GRM4: variants seen among roughly 807,000 people sequenced by gnomAD.
The protein encoded by GRM4 is metabotropic glutamate receptor 4.
Under a neutral mutation model 81.7 loss-of-function variants are expected in GRM4, and 28 were observed. That is an observed-to-expected ratio of 0.34 (90% CI 0.25 to 0.47). GRM4 has a LOEUF of 0.47. Ranked by LOEUF, GRM4 falls within the 20% of genes least tolerant of loss-of-function variation. The pLI, the probability that GRM4 is intolerant of heterozygous loss-of-function variation, is 1.00. For missense variants in GRM4, 948 were observed against 1,290.0 expected (o/e 0.73, Z 4.06); for synonymous variants, 488 against 528.8 (o/e 0.92, Z 1.06).
At chr6:34,149,020 G>T (rs1384017915), upstream of GRM4, among the ~76,000 whole-genome samples, 1 of 152,178 alleles carries the variant, frequency 6.6e-6, no homozygotes, top group Non-Finnish European at 1.5e-5. Context: ...CTGAGCCTGT[G>T]TTTCATACCT....
In GRM4 at chr6:34,115,159, G is replaced by A. The variant is rs541094335; in HGVS notation, c.519+17819C>T. On this transcript the variant is annotated intron_variant, in intron 2 of 10. Transcript: ENST00000538487. This position sits in a 1 kb window ranked among gnomAD's most constrained non-coding sequence, Gnocchi z 4.1. ...GAGGTGGTCAGGGCCCTGCCTAAAC[G>A]CCAACACGCTGCCTCTGGGCCAGCC... is the stretch of plus-strand genomic sequence containing the variant. Among the ~76,000 whole-genome samples the A allele has an allele frequency of 1.1e-4, 16 of 152,268 alleles. No homozygotes were observed. The highest frequency in any genetic ancestry group is 3.6e-4 in the African/African-American group (15 of 41,542).
rs1328614852 is a variant in GRM4 at position 34,069,682 on chromosome 6, G to A, written c.737-7654C>T. 7.2e-6 allele frequency among the ~76,000 whole-genome samples: 1 copy of A among 139,634 alleles called. No individual in the cohort carries two copies. 91.6% of individuals were successfully genotyped at this position (139,634 alleles called of 152,430 possible). A position where few individuals can be genotyped will look rare whatever the true frequency, so the allele number is the denominator to read the frequency against. On this transcript the variant is annotated intron_variant, in intron 3 of 10. Transcript: ENST00000538487. This position sits in a 1 kb window ranked among gnomAD's most constrained non-coding sequence, Gnocchi z 6.4. ...TGTGTGTGTGTGTGTGTGTGTGTGT[G>A]TGTGTGACCCTGAGCGCCTGCCTCT...
intron 8 of GRM4, among the ~76,000 whole-genome samples, chr6:34,037,741 T>C (rs1764785347): frequency 6.6e-6 from 1 of 151,162 alleles, no homozygotes; most frequent in South Asian, 2.1e-4. Context: ...CGTGCACCTA[T>C]AATCCTAGCT....
chr6:34,079,472 C>T (rs1364599469), intron 3 of GRM4, among the ~76,000 whole-genome samples: 1 of 152,218 alleles, frequency 6.6e-6, no homozygotes, highest in African/African-American at 2.4e-5. Context: ...TGCATTCAGA[C>T]CTGCCTTGTC....
At chr6:34,053,704 A>G (rs1004626672) in intron 6 of GRM4, among the ~76,000 whole-genome samples, 17 of 152,244 alleles carry the variant, frequency 1.1e-4, no homozygotes, top group African/African-American at 2.9e-4. Flanking sequence ...TTTGCTGCAT[A>G]GTAGAACCAC....
chr6:34,044,357 TACACAGACAC>T (rs1765194343), intron 6 of GRM4, among the ~76,000 whole-genome samples: 1 of 142,606 alleles, frequency 7.0e-6, no homozygotes, highest in Non-Finnish European at 1.5e-5. Flanking sequence ...TACACATATA[TACACAGACAC>T]ACACATACAC....
intron 3 of GRM4, among the ~76,000 whole-genome samples, chr6:34,082,302 C>T (rs1767644594): frequency 6.6e-6 from 1 of 152,186 alleles, no homozygotes; most frequent in Non-Finnish European, 1.5e-5. Flanking sequence ...TAAACAGAGG[C>T]CAGAGAAGTT....
Position 34,069,204 on chromosome 6 carries a change from ACGCACG to A in GRM4, c.737-7182_737-7177del, listed in dbSNP as rs768578288. ...CACACACACACACACACACACACACACGCACGCACACACGGCTCCTTCCTTCTGACT... is the reference window on the plus strand; with the variant it reads ...CACACACACACACACACACACACACACACACACGGCTCCTTCCTTCTGACT... On this transcript the variant is annotated intron_variant, in intron 3 of 10. Transcript: ENST00000538487. This position sits in a 1 kb window ranked among gnomAD's most constrained non-coding sequence, Gnocchi z 6.4. Among the ~76,000 whole-genome samples, 2 of 135,448 alleles carry A rather than the reference ACGCACG, an allele frequency of 1.5e-5. No homozygotes were observed. Among genetic ancestry groups the A allele is most frequent in the Non-Finnish European group, 1.5e-5 (1 of 64,778 alleles). The allele number at this position is 135,448 out of a possible 152,430, so 88.9% of individuals were successfully genotyped here. A position where few individuals can be genotyped will look rare whatever the true frequency, so the allele number is the denominator to read the frequency against.
Position 34,092,328 on chromosome 6 carries a change from T to C in GRM4, c.520-229A>G, listed in dbSNP as rs1178924309. On this transcript the variant is annotated intron_variant, in intron 2 of 10. Transcript: ENST00000538487. This position sits in a 1 kb window ranked among gnomAD's most constrained non-coding sequence, Gnocchi z 6.8. Reference sequence around the variant, plus strand: ...ACAGATACACACACAGGCACACACATACATACACCACACACACATACACCC... The same window carrying C: ...ACAGATACACACACAGGCACACACACACATACACCACACACACATACACCC... Among the ~76,000 whole-genome samples, 1 of 151,992 alleles carries C rather than the reference T, an allele frequency of 6.6e-6. No homozygotes were observed. Among genetic ancestry groups the C allele is most frequent in the Non-Finnish European group, 1.5e-5 (1 of 67,948 alleles).
intron 1 of GRM4, among the ~76,000 whole-genome samples, chr6:34,142,890 G>C (rs976640883): frequency 7.9e-5 from 12 of 152,226 alleles, no homozygotes; most frequent in African/African-American, 2.9e-4. Flanking sequence ...CTCCTGACAT[G>C]CTCCCGCCTC....
chr6:34,134,903 C>T (rs3756925), intron 1 of GRM4, among the ~76,000 whole-genome samples: 4 of 152,216 alleles, frequency 2.6e-5, no homozygotes, highest in African/African-American at 4.8e-5. Flanking sequence ...AATTTCCCCC[C>T]GGGGTTACTT....
intron 1 of GRM4, among the ~76,000 whole-genome samples, chr6:34,140,937 T>G (rs1448905599): frequency 6.6e-6 from 1 of 152,228 alleles, no homozygotes; most frequent in Non-Finnish European, 1.5e-5. Flanking sequence ...GAGACTTCCA[T>G]CCCTCGGCTG....
chr6:34,057,955 T>C (rs1765991369), intron 5 of GRM4, among the ~76,000 whole-genome samples: 1 of 151,956 alleles, frequency 6.6e-6, no homozygotes, highest in Non-Finnish European at 1.5e-5. Flanking sequence ...TCGCTATGTG[T>C]GTGTGGTGGG....
At chr6:34,103,875 A>G in intron 2 of GRM4, 1 of 1,402,058 alleles carries the variant, frequency 7.1e-7, no homozygotes, top group Non-Finnish European at 9.2e-7. Flanking sequence ...AGGGAGAATG[A>G]GTGTTACAGA....
intron 6 of GRM4, chr6:34,056,206 A>G: frequency 4.4e-6 from 1 of 226,534 alleles, no homozygotes; most frequent in Non-Finnish European, 8.6e-6. Flanking sequence ...GTTTCTGGAA[A>G]GTGCCCAGCC....
At chr6:34,150,903 A>C (rs1771031581), upstream of GRM4, among the ~76,000 whole-genome samples, 1 of 152,234 alleles carries the variant, frequency 6.6e-6, no homozygotes, top group African/African-American at 2.4e-5. Context: ...CCTTATTCTC[A>C]GAGCAGGGCA....
At position 34,114,202 on chromosome 6, in the gene GRM4, T is replaced by C. The variant is rs978419066; in HGVS notation, c.519+18776A>G. ...CCCACTCATGTAAGTGATTACATCA[T>C]GTCTCCTGTCTTTCTTCCCACTCCA... On this transcript the variant is annotated intron_variant, in intron 2 of 10. Transcript: ENST00000538487. This position sits in a 1 kb window ranked among gnomAD's most constrained non-coding sequence, Gnocchi z 4.3. Among the ~76,000 whole-genome samples, 2 of 152,216 alleles carry C rather than the reference T, an allele frequency of 1.3e-5. No homozygotes were observed. Among genetic ancestry groups the C allele is most frequent in the Admixed American group, 6.5e-5 (1 of 15,286 alleles).
intron 2 of GRM4, among the ~76,000 whole-genome samples, chr6:34,112,969 C>A (rs1013348806): frequency 1.3e-5 from 2 of 152,226 alleles, no homozygotes; most frequent in African/African-American, 4.8e-5. Context: ...TAAACAACTG[C>A]TCTCAGGGTC....
At chr6:34,145,007 C>G (rs894740415) in intron 1 of GRM4, among the ~76,000 whole-genome samples, 1 of 151,990 alleles carries the variant, frequency 6.6e-6, no homozygotes, top group South Asian at 2.1e-4. Context: ...CCCCGAGCCC[C>G]GATGTCCCCG....
Sources: allele counts gnomAD v4.1 joint callset (sites outside exome capture counted in the v4.1 genomes callset), GRCh38; gene constraint gnomAD v4.1.1; non-coding constraint Gnocchi (gnomAD v3.1); transcripts MANE v1.5; gene names NCBI Gene and HGNC (gene_info 2026-07-23, HGNC 2026-07-21).